Variants in MSI1 observed in about 807,000 individuals in gnomAD.
The protein encoded by MSI1 is musashi RNA binding protein 1.
MSI1 carries 15 observed loss-of-function variants against 54.4 expected under a neutral mutation model. The ratio of observed to expected loss-of-function variants is 0.28; its 90% CI spans 0.18 to 0.42. The LOEUF is 0.42. MSI1 is among the 20% of genes least tolerant of loss of function. The pLI is 1.00. For missense variants in MSI1, 304 were observed against 506.0 expected, an observed-to-expected ratio of 0.60 and a Z score of 3.83; for synonymous variants, 200 against 196.5, an observed-to-expected ratio of 1.02 and a Z score of -0.15.
chr12:120,363,001 T>C, intron 6 of MSI1, 42 bp downstream of exon 6: 1 of 1,528,600 alleles, frequency 6.5e-7, no homozygotes, highest in Non-Finnish European at 9.1e-7. Context: ...TTCTACAGTG[T>C]GTTCACAGCC....
At chr12:120,362,291 C>T (rs565834307) in intron 6 of MSI1, among the ~76,000 whole-genome samples, 2 of 152,122 alleles carry the variant, frequency 1.3e-5, no homozygotes, top group South Asian at 4.2e-4. Context: ...GAAGAAAGAC[C>T]AGGGACCCCG....
chr12:120,358,884 G>A (rs1875381432), intron 7 of MSI1, 121 bp downstream of exon 7: 1 of 1,173,688 alleles, frequency 8.5e-7, no homozygotes, highest in South Asian at 1.4e-5. Flanking sequence ...CCAGGCCTGG[G>A]AGAGGACGCA....
At chr12:120,358,288 A>G (rs1223748996) in intron 7 of MSI1, among the ~76,000 whole-genome samples, 3 of 152,256 alleles carry the variant, frequency 2.0e-5, no homozygotes, top group Non-Finnish European at 4.4e-5. Flanking sequence ...AAATGTACAT[A>G]GACACACATT....
chr12:120,363,310 T>C (rs921159056), intron 5 of MSI1, among the ~76,000 whole-genome samples, 175 bp from the exon 6 acceptor site: 4 of 126,110 alleles, frequency 3.2e-5, no homozygotes, highest in Non-Finnish European at 4.8e-5. Context: ...AGGCCTGTCA[T>C]GGGCAGCTGT....
Position 120,368,901 on chromosome 12 carries a change from C to A in MSI1, c.60-28G>T. The A allele has an allele frequency of 2.1e-6, 3 of 1,398,122 alleles. No homozygotes were observed. Among genetic ancestry groups the A allele is most frequent in the Non-Finnish European group, 2.8e-6 (3 of 1,059,932 alleles). 86.6% of individuals were successfully genotyped at this position (1,398,122 alleles called of 1,614,324 possible). A position where few individuals can be genotyped will look rare whatever the true frequency, so the allele number is the denominator to read the frequency against. On this transcript the variant is annotated intron_variant, in intron 1 of 14. Coordinates refer to ENST00000257552, the MANE Select transcript of MSI1 (RefSeq NM_002442.4). This position sits in a 1 kb window ranked among gnomAD's most constrained non-coding sequence, Gnocchi z 6.6. ...GCGGGAGGAGGAGAGACACAAAGGGCCCGCGTGAGCGCCGGGCGCCAGGGC... is the reference window on the plus strand; with the variant it reads ...GCGGGAGGAGGAGAGACACAAAGGGACCGCGTGAGCGCCGGGCGCCAGGGC...
chr12:120,367,553 GAGGGAGGGGGCTTCA>G (rs567099057), intron 4 of MSI1, among the ~76,000 whole-genome samples: 239 of 152,284 alleles, frequency 1.6e-3, no homozygotes, highest in African/African-American at 5.2e-3. Flanking sequence ...GGGAAGGAGA[GAGGGAGGGGGCTTCA>G]AGGGATGCTT....
At chr12:120,350,674 C>A (rs1197213854) in intron 11 of MSI1, among the ~76,000 whole-genome samples, 1 of 152,220 alleles carries the variant, frequency 6.6e-6, no homozygotes. Flanking sequence ...CGGCTCAAGG[C>A]TGGCTCCGCA....
intron 12 of MSI1, among the ~76,000 whole-genome samples, chr12:120,347,008 G>C (rs1874185101): frequency 6.6e-6 from 1 of 151,910 alleles, no homozygotes; most frequent in Non-Finnish European, 1.5e-5. Context: ...GGAGTGCAGT[G>C]ACGTGATCTC....
At chr12:120,347,603 A>G (rs2136907090) in intron 11 of MSI1, 89 bp from the exon 12 acceptor site, 1 of 1,520,746 alleles carries the variant, frequency 6.6e-7, no homozygotes, top group East Asian at 2.3e-5. Flanking sequence ...GAGCCTGTCC[A>G]GCCTGGCCCT....
chr12:120,360,504 C>A (rs1875543744), intron 6 of MSI1, among the ~76,000 whole-genome samples: 1 of 152,212 alleles, frequency 6.6e-6, no homozygotes, highest in African/African-American at 2.4e-5. Flanking sequence ...AACAGAGTGG[C>A]ACTCTCACTC....
intron 9 of MSI1, among the ~76,000 whole-genome samples, chr12:120,355,021 C>T (rs1874960439): frequency 1.5e-5 from 2 of 130,426 alleles, no homozygotes; most frequent in Admixed American, 7.8e-5. Context: ...AGTGAGACCC[C>T]GTCTCTACCA....
In MSI1 at chr12:120,345,603, A is replaced by G. The variant is rs1278265707; in HGVS notation, c.1077T>C (p.Asn359=). The change falls in exon 14 of 15, where the codon AAT becomes AAC. Residue 359 remains asparagine (N), a synonymous_variant. Transcript: ENST00000257552. ...GGPLIATAFT[N]GYH ...ACCGTCCCCTGCTTCAGTGGTACCC[A>G]TTGGTGAAGGCTGTGGCAATCAAAG... The G allele has an allele frequency of 2.5e-6, 4 of 1,609,588 alleles. No individual in the cohort carries two copies. Among genetic ancestry groups the G allele is most frequent in the Non-Finnish European group, 3.4e-6 (4 of 1,178,006 alleles).
intron 9 of MSI1, among the ~76,000 whole-genome samples, chr12:120,355,030 CAAAAAAAAAAA>C (rs71076610): frequency 4.5e-5 from 2 of 44,116 alleles, no homozygotes; most frequent in Non-Finnish European, 7.6e-5. Flanking sequence ...CCGTCTCTAC[CAAAAAAAAAAA>C]AAAAAAAAAA....
At chr12:120,351,503 G>C in intron 10 of MSI1, 103 bp from the exon 11 acceptor site, 1 of 1,035,816 alleles carries the variant, frequency 9.7e-7, no homozygotes, top group Non-Finnish European at 1.4e-6. Flanking sequence ...TGAGGAGACA[G>C]GCCATGCACA....
Position 120,357,035 on chromosome 12 carries a change from GC to G in MSI1, c.535-17del. The G allele has an allele frequency of 6.2e-7, 1 of 1,609,086 alleles. No homozygotes were observed. Among genetic ancestry groups the G allele is most frequent in the Non-Finnish European group, 8.5e-7 (1 of 1,175,344 alleles). On this transcript the variant is annotated splice_polypyrimidine_tract_variant and intron_variant, in intron 8 of 14. Transcript: ENST00000257552. ...TACATTCCACCTGCAATGAGACCTGGCGGTTAGTCTTTCCCACAGAGCTAGA... is the reference window on the plus strand; with the variant it reads ...TACATTCCACCTGCAATGAGACCTGGGGTTAGTCTTTCCCACAGAGCTAGA...
chr12:120,340,886 CTTTTTTTTT>C (rs34926125), downstream of MSI1, among the ~76,000 whole-genome samples: 1 of 119,456 alleles, frequency 8.4e-6, no homozygotes, highest in East Asian at 2.4e-4. Context: ...TTCTCCTATT[CTTTTTTTTT>C]TTTTTTTTTT....
chr12:120,357,529 TCTCA>T (rs1419013050), intron 8 of MSI1, among the ~76,000 whole-genome samples: 1 of 151,924 alleles, frequency 6.6e-6, no homozygotes, highest in African/African-American at 2.4e-5. Flanking sequence ...TGAGACGGAG[TCTCA>T]CTCACTCTGT....
intron 9 of MSI1, 137 bp from the exon 10 acceptor site, chr12:120,353,516 ATACCAAGCCCTG>A: frequency 2.6e-6 from 2 of 766,774 alleles, no homozygotes; most frequent in South Asian, 3.3e-5. Flanking sequence ...TACCTTCTTC[ATACCAAGCCCTG>A]TGCCAAGCAC....
chr12:120,353,236 G>T, intron 10 of MSI1, 63 bp downstream of exon 10: 1 of 1,521,244 alleles, frequency 6.6e-7, no homozygotes, highest in Admixed American at 1.7e-5. Flanking sequence ...ACCACCCTGA[G>T]AAGTCAGACT....
Sources: allele counts gnomAD v4.1 joint callset (sites outside exome capture counted in the v4.1 genomes callset), GRCh38; gene constraint gnomAD v4.1.1; non-coding constraint Gnocchi (gnomAD v3.1); transcripts MANE v1.5; gene names NCBI Gene and HGNC (gene_info 2026-07-23, HGNC 2026-07-21).